MBNL1: variants seen among roughly 807,000 people sequenced by gnomAD.
MBNL1 encodes the protein muscleblind-like protein 1.
MBNL1 carries 8 observed loss-of-function variants against 42.2 expected under a neutral mutation model. That is an observed-to-expected ratio of 0.19 (90% confidence interval 0.11 to 0.34). MBNL1 has a LOEUF of 0.34. MBNL1 is among the 10% of genes least tolerant of loss of function. The probability of loss-of-function intolerance (pLI) is 1.00; values close to 1 mark genes in which losing one functional copy is unlikely to be tolerated. For missense variants in MBNL1, 309 were observed against 495.3 expected (o/e 0.62, Z 3.57); for synonymous variants, 169 against 173.9 (o/e 0.97, Z 0.22).
intron 2 of MBNL1, among the ~76,000 whole-genome samples, chr3:152,319,406 T>C (rs2074734767): frequency 6.6e-6 from 1 of 152,096 alleles, no homozygotes; most frequent in Non-Finnish European, 1.5e-5. Flanking sequence ...GGTTTAATCA[T>C]ATCCATAAAG....
At chr3:152,287,188 G>A (rs1031550250) in intron 1 of MBNL1, among the ~76,000 whole-genome samples, 24 of 151,116 alleles carry the variant, frequency 1.6e-4, no homozygotes, top group African/African-American at 5.4e-4. Flanking sequence ...GCACTCCAGC[G>A]TGGGTGACAG....
chr3:152,277,346 TA>T (rs1315710764), intron 1 of MBNL1, among the ~76,000 whole-genome samples: 1 of 152,158 alleles, frequency 6.6e-6, no homozygotes, highest in Non-Finnish European at 1.5e-5. Context: ...CCTCTCTTAT[TA>T]AAGTCCATGC....
intron 4 of MBNL1, among the ~76,000 whole-genome samples, chr3:152,444,634 A>G (rs1041675247): frequency 5.9e-5 from 9 of 152,334 alleles, no homozygotes; most frequent in Admixed American, 3.3e-4. Flanking sequence ...AGAAAAATTA[A>G]CATAGATATG....
intron 1 of MBNL1, among the ~76,000 whole-genome samples, chr3:152,289,957 G>GT (rs1266616918): frequency 1.3e-5 from 2 of 150,722 alleles, no homozygotes; most frequent in African/African-American, 2.4e-5. Context: ...TTCGTCATTG[G>GT]TTTTAGTCAT....
intron 2 of MBNL1, among the ~76,000 whole-genome samples, chr3:152,256,227 T>G (rs2035430204): frequency 1.3e-5 from 2 of 152,176 alleles, no homozygotes; most frequent in Non-Finnish European, 2.9e-5. Context: ...CAAGTTTACC[T>G]GGATAAAAGT....
At chr3:152,420,808 T>G (rs1187643893) in intron 3 of MBNL1, among the ~76,000 whole-genome samples, 1 of 152,054 alleles carries the variant, frequency 6.6e-6, no homozygotes, top group African/African-American at 2.4e-5. Context: ...AGGTGAGTAA[T>G]AACAAACTCC....
chr3:152,437,798 A>G (rs1314310750), intron 4 of MBNL1, among the ~76,000 whole-genome samples: 1 of 142,124 alleles, frequency 7.0e-6, no homozygotes, highest in Non-Finnish European at 1.5e-5. Flanking sequence ...TTTTGACACT[A>G]AGTCTCACAC....
chr3:152,462,429 G>C lies in MBNL1; in HGVS notation c.*63G>C, dbSNP rs912777763. On this transcript the variant is annotated 3_prime_UTR_variant, in exon 10 of 10. Coordinates refer to ENST00000324210, the MANE Select transcript of MBNL1 (RefSeq NM_021038.5). Reference sequence around the variant, plus strand: ...GACAGTGTGCTTGGTTAGAGTAAAGGACGAGGTCATTAGCCATATTGTATA... The same window carrying C: ...GACAGTGTGCTTGGTTAGAGTAAAGCACGAGGTCATTAGCCATATTGTATA... 1.3e-5 allele frequency: 2 copies of C among 152,100 alleles called. No individual in the cohort carries two copies. The highest frequency in any genetic ancestry group is 4.8e-5 in the African/African-American group (2 of 41,426). 9.4% of individuals were successfully genotyped at this position (152,100 alleles called of 1,614,324 possible). A position where few individuals can be genotyped will look rare whatever the true frequency, so the allele number is the denominator to read the frequency against.
intron 2 of MBNL1, among the ~76,000 whole-genome samples, chr3:152,355,567 A>C (rs1300946722): frequency 6.6e-6 from 1 of 152,192 alleles, no homozygotes; most frequent in Non-Finnish European, 1.5e-5. Context: ...TTTAAGTTTT[A>C]TAAGATCATG....
intron 2 of MBNL1, among the ~76,000 whole-genome samples, chr3:152,249,128 T>C: frequency 7.2e-6 from 1 of 139,004 alleles, no homozygotes. Flanking sequence ...TTTGGGTATA[T>C]ACCCAGTAAT....
intron 2 of MBNL1, among the ~76,000 whole-genome samples, chr3:152,316,967 C>G (rs2072121162): frequency 1.3e-5 from 2 of 151,992 alleles, no homozygotes. Context: ...TTAGTAATTT[C>G]TTATTCATAG....
intron 2 of MBNL1, among the ~76,000 whole-genome samples, chr3:152,329,530 T>G (rs1484252358): frequency 6.6e-6 from 1 of 151,302 alleles, no homozygotes. Flanking sequence ...GCACCTGTAG[T>G]CACAGCTACT....
At chr3:152,368,268 A>G (rs13064924) in intron 2 of MBNL1, among the ~76,000 whole-genome samples, 83,908 of 151,972 alleles carry the variant, frequency 0.55, 23,507 homozygotes, top group Middle Eastern at 0.64. Context: ...TAAATAGGGA[A>G]TTCTTTTCCC....
chr3:152,383,082 T>C (rs1262613946), intron 2 of MBNL1, among the ~76,000 whole-genome samples: 1 of 152,082 alleles, frequency 6.6e-6, no homozygotes, highest in East Asian at 1.9e-4. Flanking sequence ...TTGACACAAG[T>C]TTACCATGCG....
At position 152,338,918 on chromosome 3, in the gene MBNL1, T is replaced by C. The variant is rs1293580040; in HGVS notation, c.174+38551T>C. ...AGATTTTTAAATATTCAATTTTTTTTATTCGGACTCTGTGAAGCACTTTTT... is the reference window on the plus strand; with the variant it reads ...AGATTTTTAAATATTCAATTTTTTTCATTCGGACTCTGTGAAGCACTTTTT... On this transcript the variant is annotated intron_variant, in intron 2 of 9. Transcript: ENST00000324210. Among the ~76,000 whole-genome samples, 3 of 152,186 alleles carry C rather than the reference T, an allele frequency of 2.0e-5. No homozygotes were observed. The East Asian group carries it at 5.8e-4, about 29-fold the overall frequency.
intron 9 of MBNL1, among the ~76,000 whole-genome samples, chr3:152,459,628 T>TAG (rs1213506938): frequency 3.3e-5 from 5 of 152,046 alleles, no homozygotes; most frequent in Admixed American, 2.6e-4. Flanking sequence ...TTAGAAGGTG[T>TAG]AGATCAAGGG....
At chr3:152,255,372 A>C (rs2149447690) in intron 2 of MBNL1, among the ~76,000 whole-genome samples, 1 of 152,292 alleles carries the variant, frequency 6.6e-6, no homozygotes, top group Middle Eastern at 3.4e-3. Flanking sequence ...TTAACTTAAA[A>C]TATTGAGCCT....
intron 5 of MBNL1, chr3:152,446,811 GTT>G: frequency 7.3e-7 from 1 of 1,365,272 alleles, no homozygotes; most frequent in Non-Finnish European, 1.0e-6. Flanking sequence ...GTAGATACAA[GTT>G]TTTTTTTTAA....
chr3:152,427,694 T>C (rs1393456485), intron 3 of MBNL1, among the ~76,000 whole-genome samples: 2 of 151,962 alleles, frequency 1.3e-5, no homozygotes, highest in African/African-American at 2.4e-5. Flanking sequence ...TTCATATACC[T>C]TGATTATGTG....
Sources: allele counts gnomAD v4.1 joint callset (sites outside exome capture counted in the v4.1 genomes callset), GRCh38; gene constraint gnomAD v4.1.1; transcripts MANE v1.5; gene names NCBI Gene and HGNC (gene_info 2026-07-23, HGNC 2026-07-21).